The following TPCN1 variants were observed in gnomAD, a reference collection of about 807,000 sequenced individuals.
The protein encoded by TPCN1 is two pore segment channel 1, also known as two pore channel protein 1.
In TPCN1, 52 loss-of-function variants were observed where a neutral mutation model predicts 108.8. That is an observed-to-expected ratio of 0.48 (90% CI 0.38 to 0.60). The LOEUF is 0.60. TPCN1 is among the 20% of genes least tolerant of loss of function. The pLI is 0.00. For synonymous variants in TPCN1, 446 were observed against 433.7 expected (o/e 1.03, Z -0.35); for missense variants, 806 against 1,072.8 (o/e 0.75, Z 3.47).
chr12:113,239,663 G>A (rs1954029809), intron 2 of TPCN1, among the ~76,000 whole-genome samples: 1 of 152,274 alleles, frequency 6.6e-6, no homozygotes, highest in South Asian at 2.1e-4. Context: ...TAGCCCAGCA[G>A]GGCATGGCGT....
rs1469281725 is a variant in TPCN1 at position 113,285,909 on chromosome 12, C to G, written c.1474C>G (p.Leu492Val). The G allele has an allele frequency of 1.2e-6, 2 of 1,614,216 alleles. No homozygotes were observed. The highest frequency in any genetic ancestry group is 2.2e-5 in the South Asian group (2 of 91,092). ...FLTIYGVELF[L>V]KVAGLGPVEY... ...CACAGTCTATGGGGTGGAGCTGTTC[C>G]TGAAGGTTGCCGGCCTGGGCCCTGT... Residue 492 changes from leucine to valine, a missense_variant, in exon 18 of 28, where the codon CTG (leucine) becomes GTG (valine). Transcript: ENST00000335509.
chr12:113,245,474 G>T (rs1175249290), intron 2 of TPCN1, among the ~76,000 whole-genome samples: 9 of 146,272 alleles, frequency 6.2e-5, no homozygotes, highest in Middle Eastern at 3.4e-3. Flanking sequence ...GGTAGCGGGC[G>T]CCTGTAGTCC....
rs1399373385 is a variant in TPCN1 at position 113,291,618 on chromosome 12, A to G, written c.1969A>G (p.Thr657Ala). ...NNWYIIMEGV[T>A]SQTSHWSRLY... ...TTCCCTTGGTCTCCAGGAAGGCGTC[A>G]CCTCTCAGACCTCCCACTGGAGCCG... Residue 657 changes from threonine (T) to alanine (A), a missense_variant, in exon 24 of 28, where the codon ACC (threonine) becomes GCC (alanine). Coordinates refer to ENST00000335509, the MANE Select transcript of TPCN1 (RefSeq NM_017901.6). The G allele has an allele frequency of 1.2e-6, 2 of 1,611,900 alleles. No homozygotes were observed. Among genetic ancestry groups the G allele is most frequent in the South Asian group, 2.2e-5 (2 of 90,648 alleles).
In TPCN1 at chr12:113,273,535, A is replaced by T. The variant is rs769235601; in HGVS notation, c.843-34A>T. 1.3e-6 allele frequency: 2 copies of T among 1,547,384 alleles called. No homozygotes were observed. The highest frequency in any genetic ancestry group is 1.1e-5 in the South Asian group (1 of 89,698). ...GCTCTGAGAGGATGGAGACAGGCAG[A>T]TACAGCACGCCGGGTCACCCTCTGC... is the stretch of plus-strand genomic sequence containing the variant. On this transcript the variant is annotated intron_variant, in intron 9 of 27. Transcript: ENST00000335509. The surrounding 1 kb of genome is among the most constrained non-coding windows in gnomAD (Gnocchi z 4.0).
rs1953675197 is a variant in TPCN1 at position 113,231,189 on chromosome 12, T to G, written c.112+4225T>G. Among the ~76,000 whole-genome samples the G allele has an allele frequency of 6.6e-6, 1 of 152,224 alleles. No homozygotes were observed. The highest frequency in any genetic ancestry group is 2.4e-5 in the African/African-American group (1 of 41,454). ...CCTTCTCAGCACTGTACCTCCACGC[T>G]CCATGTCTGGTTGGGCACCCCTAAC... On this transcript the variant is annotated intron_variant, in intron 2 of 27. Coordinates refer to ENST00000335509, the MANE Select transcript of TPCN1 (RefSeq NM_017901.6). The surrounding 1 kb of genome is among the most constrained non-coding windows in gnomAD (Gnocchi z 4.3).
At chr12:113,262,012 C>T (rs1179830433) in intron 3 of TPCN1, among the ~76,000 whole-genome samples, 1 of 152,096 alleles carries the variant, frequency 6.6e-6, no homozygotes, top group South Asian at 2.1e-4. Flanking sequence ...GCCCCACTGG[C>T]GGTGACATTT....
At chr12:113,282,857 G>A (rs1955937043) in intron 15 of TPCN1, among the ~76,000 whole-genome samples, 3 of 152,090 alleles carry the variant, frequency 2.0e-5, no homozygotes, top group Non-Finnish European at 2.9e-5. Flanking sequence ...AGGCCGAGGC[G>A]GGCAGATCAC....
intron 3 of TPCN1, 74 bp downstream of exon 3, chr12:113,260,566 G>A (rs1954992252): frequency 2.7e-6 from 4 of 1,506,264 alleles, no homozygotes; most frequent in South Asian, 2.6e-5. Context: ...ACTCTGTTAG[G>A]TGCCCAGAAA....
chr12:113,248,840 G>A (rs981897508), intron 2 of TPCN1, among the ~76,000 whole-genome samples: 4 of 152,168 alleles, frequency 2.6e-5, no homozygotes, highest in African/African-American at 9.7e-5. Flanking sequence ...GCACACACAC[G>A]ATAGAGGATT....
chr12:113,252,103 T>C (rs558051418), intron 2 of TPCN1, among the ~76,000 whole-genome samples: 7 of 152,264 alleles, frequency 4.6e-5, no homozygotes, highest in South Asian at 4.1e-4. Flanking sequence ...GTCCTTCCTG[T>C]CTCAGTGGTC....
At position 113,269,835 on chromosome 12, in the gene TPCN1, T is replaced by G; in HGVS notation, c.738T>G (p.Phe246Leu). The change falls in exon 7 of 28, where the codon TTT (phenylalanine) becomes TTG (leucine). Residue 246 changes from phenylalanine (F) to leucine (L), a missense_variant. By Grantham distance (22) the Phe-to-Leu change is conservative. Coordinates refer to ENST00000335509, the MANE Select transcript of TPCN1 (RefSeq NM_017901.6). The surrounding 1 kb of genome is among the most constrained non-coding windows in gnomAD (Gnocchi z 5.0). ...TGCTGCTGTTCTTCATGATCATCTTTGCCATCCTCGGTGAGTTCCCGCCTC... is the reference window on the plus strand; with the variant it reads ...TGCTGCTGTTCTTCATGATCATCTTGGCCATCCTCGGTGAGTTCCCGCCTC... Reference protein sequence around the residue: ...LLLLLFFMIIFAILGFYLFSP... With the variant: ...LLLLLFFMIILAILGFYLFSP... 1.2e-6 allele frequency: 2 copies of G among 1,613,894 alleles called. No individual in the cohort carries two copies. Among genetic ancestry groups the G allele is most frequent in the Non-Finnish European group, 1.7e-6 (2 of 1,180,010 alleles).
rs143824358 is a variant in TPCN1 at position 113,296,028 on chromosome 12, C to T, written c.2403C>T (p.Ala801=). ...QRQLSSSAAP[A]AQQPPGSRQR... Reference sequence around the variant, plus strand: ...AACTCAGCAGCAGTGCAGCCCCCGCCGCCCAGCAGCCCCCAGGCAGCCGCC... The same window carrying T: ...AACTCAGCAGCAGTGCAGCCCCCGCTGCCCAGCAGCCCCCAGGCAGCCGCC... The change falls in exon 28 of 28, where the codon GCC becomes GCT. Residue 801 remains alanine, a synonymous_variant. Transcript: ENST00000335509. 1.5e-4 allele frequency: 241 copies of T among 1,613,290 alleles called. No individual in the cohort carries two copies. Among genetic ancestry groups the T allele is most frequent in the East Asian group, 6.7e-4 (30 of 44,878 alleles).
At chr12:113,278,130 G>A (rs1480668005) in intron 12 of TPCN1, 59 bp from the exon 13 acceptor site, 31 of 1,509,382 alleles carry the variant, frequency 2.1e-5, no homozygotes, top group Non-Finnish European at 2.0e-5. Flanking sequence ...AGTAAGAGAA[G>A]CAAAGCACAG....
intron 5 of TPCN1, 29 bp downstream of exon 5, chr12:113,267,985 C>A: frequency 6.8e-7 from 1 of 1,479,220 alleles, no homozygotes; most frequent in Non-Finnish European, 9.4e-7. Context: ...TGTCCCTCCC[C>A]TCACAGCCTT....
chr12:113,270,709 G>C (rs2136638671), intron 7 of TPCN1, among the ~76,000 whole-genome samples: 1 of 152,202 alleles, frequency 6.6e-6, no homozygotes, highest in Middle Eastern at 3.4e-3. Flanking sequence ...TCCAACTCCT[G>C]ACCTTGTGAT....
At chr12:113,227,294 C>T (rs1000826996) in intron 2 of TPCN1, among the ~76,000 whole-genome samples, 1 of 152,160 alleles carries the variant, frequency 6.6e-6, no homozygotes, top group Non-Finnish European at 1.5e-5. Context: ...GCCTTCCCTG[C>T]CCCATTCCTT....
rs1955560013 is a variant in TPCN1 at position 113,273,126 on chromosome 12, C to G, written c.784-106C>G. On this transcript the variant is annotated intron_variant, in intron 8 of 27. Coordinates refer to ENST00000335509, the MANE Select transcript of TPCN1 (RefSeq NM_017901.6). This position sits in a 1 kb window ranked among gnomAD's most constrained non-coding sequence, Gnocchi z 4.0. ...TCCCTCAGGGATTCCTTGAGAGATG[C>G]AAGAGCGGTCAAGGCAGGGCATGCC... 1.4e-5 allele frequency: 14 copies of G among 969,272 alleles called. No homozygotes were observed. In the South Asian group the frequency reaches 1.8e-4, roughly 13 times the overall value. The allele number at this position is 969,272 out of a possible 1,614,324, so 60.0% of individuals were successfully genotyped here.
chr12:113,247,649 G>A (rs1351961337), intron 2 of TPCN1, among the ~76,000 whole-genome samples: 3 of 152,268 alleles, frequency 2.0e-5, no homozygotes, highest in African/African-American at 7.2e-5. Context: ...ACTGCTGCGT[G>A]AAGGCCACGT....
intron 1 of TPCN1, among the ~76,000 whole-genome samples, chr12:113,222,814 C>T (rs776796978): frequency 7.2e-5 from 11 of 151,954 alleles, no homozygotes; most frequent in South Asian, 2.1e-4. Flanking sequence ...GTTGGACAGC[C>T]GTGAGTTAAA....
Sources: allele counts gnomAD v4.1 joint callset (sites outside exome capture counted in the v4.1 genomes callset), GRCh38; gene constraint gnomAD v4.1.1; non-coding constraint Gnocchi (gnomAD v3.1); transcripts MANE v1.5; gene names NCBI Gene and HGNC (gene_info 2026-07-23, HGNC 2026-07-21).